TEAD4: variants seen among roughly 807,000 people sequenced by gnomAD.
TEAD4 encodes the protein TEA domain transcription factor 4.
A neutral mutation model predicts 52.4 loss-of-function variants in TEAD4; 36 were observed. The observed-to-expected ratio is 0.69, with a 90% confidence interval of 0.53 to 0.91. The LOEUF is 0.91. TEAD4 is among the 40% of genes least tolerant of loss of function. TEAD4 has a pLI of 0.00. For missense variants in TEAD4, 508 were observed against 583.9 expected, an observed-to-expected ratio of 0.87 and a Z score of 1.34; for synonymous variants, 220 against 231.0, an observed-to-expected ratio of 0.95 and a Z score of 0.43.
intron 2 of TEAD4, among the ~76,000 whole-genome samples, chr12:2,993,968 T>C (rs116285354): frequency 0.011 from 1,627 of 152,336 alleles, 31 homozygotes; most frequent in African/African-American, 0.037. Flanking sequence ...CATTCATCCA[T>C]TGATGGACAC....
At position 2,985,905 on chromosome 12, in the gene TEAD4, G is replaced by A. The variant is rs192055030; in HGVS notation, c.-29-8833G>A. Among the ~76,000 whole-genome samples, 1,052 of 151,892 alleles carry A rather than the reference G, an allele frequency of 6.9e-3. 16 individuals are homozygous for A. Among genetic ancestry groups the A allele is most frequent in the African/African-American group, 0.024 (988 of 41,480 alleles). ...TCAAGACCAGCCTGGCCAACAGGGC[G>A]AAACCCTGTCTCTACTAAAAAAATA... On this transcript the variant is annotated intron_variant, in intron 2 of 12. Transcript: ENST00000359864.
In TEAD4 at chr12:2,977,286, GTC is replaced by G. The variant is rs539036756; in HGVS notation, c.-30+17258_-30+17259del. On this transcript the variant is annotated intron_variant, in intron 2 of 12. Transcript: ENST00000359864. ...CAAACGCTAAATCTCTGCCCCAGGC[GTC>G]TCTCTCTCTCTTTCTCTTTCTCCCC... is the stretch of plus-strand genomic sequence containing the variant. 3.5e-3 allele frequency among the ~76,000 whole-genome samples: 531 copies of G among 152,040 alleles called. 2 individuals are homozygous for G. Among genetic ancestry groups the G allele is most frequent in the African/African-American group, 0.012 (509 of 41,486 alleles).
At chr12:2,986,646 TA>T (rs533717512) in intron 2 of TEAD4, among the ~76,000 whole-genome samples, 18,713 of 122,498 alleles carry the variant, frequency 0.15, 2,246 homozygotes, top group African/African-American at 0.33. Context: ...TCTCAAAAAA[TA>T]AAAAAAAATA....
intron 2 of TEAD4, among the ~76,000 whole-genome samples, chr12:2,976,532 G>T (rs1591558679): frequency 6.6e-6 from 1 of 152,160 alleles, no homozygotes; most frequent in East Asian, 1.9e-4. Flanking sequence ...AACTAAACCT[G>T]TATCATCACA....
chr12:2,985,631 T>A (rs566730682), intron 2 of TEAD4, among the ~76,000 whole-genome samples: 3 of 146,374 alleles, frequency 2.0e-5, no homozygotes, highest in East Asian at 2.3e-4. Flanking sequence ...TCAGCCTCCC[T>A]AGTAGCTGGG....
intron 10 of TEAD4, among the ~76,000 whole-genome samples, chr12:3,025,821 G>A (rs187030911): frequency 1.3e-5 from 2 of 152,280 alleles, no homozygotes; most frequent in Admixed American, 1.3e-4. Context: ...ACAGGTATGA[G>A]CTATCGTGCC....
intron 3 of TEAD4, among the ~76,000 whole-genome samples, chr12:2,999,875 G>C (rs1461924069): frequency 2.6e-5 from 4 of 152,180 alleles, no homozygotes; most frequent in Non-Finnish European, 5.9e-5. Flanking sequence ...GAGGGCTGTG[G>C]CTGGCTCTGG....
intron 10 of TEAD4, among the ~76,000 whole-genome samples, chr12:3,034,401 C>A (rs1322461607): frequency 1.3e-5 from 2 of 152,148 alleles, no homozygotes; most frequent in African/African-American, 4.8e-5. Flanking sequence ...CCTACTAAGG[C>A]CCTGGGAGAG....
chr12:3,034,685 C>T (rs1329864063), intron 10 of TEAD4, among the ~76,000 whole-genome samples: 1 of 152,196 alleles, frequency 6.6e-6, no homozygotes, highest in Non-Finnish European at 1.5e-5. Flanking sequence ...GTAATCCCCC[C>T]ACTTTGGGAA....
intron 10 of TEAD4, among the ~76,000 whole-genome samples, chr12:3,037,766 C>T (rs2098280272): frequency 6.6e-6 from 1 of 152,150 alleles, no homozygotes; most frequent in Admixed American, 6.5e-5. Flanking sequence ...CCTCTTTTCC[C>T]ATGATTTAGG....
intron 2 of TEAD4, among the ~76,000 whole-genome samples, chr12:2,983,594 G>A (rs1213512060): frequency 6.6e-6 from 1 of 152,172 alleles, no homozygotes. Context: ...ACCAAAGCCA[G>A]GCTCTTGCTT....
intron 2 of TEAD4, among the ~76,000 whole-genome samples, chr12:2,963,277 C>A (rs922329771): frequency 6.6e-6 from 1 of 152,222 alleles, no homozygotes; most frequent in Non-Finnish European, 1.5e-5. Context: ...GTTGCCAAAC[C>A]TGTGGCTCCT....
chr12:2,986,361 GGT>G (rs1321431194), intron 2 of TEAD4, among the ~76,000 whole-genome samples: 4 of 151,964 alleles, frequency 2.6e-5, no homozygotes, highest in African/African-American at 9.7e-5. Context: ...ATAAAGGCTG[GGT>G]GCGGTGGCTC....
Position 3,021,977 on chromosome 12 carries a change from A to G in TEAD4, c.857A>G (p.Glu286Gly), listed in dbSNP as rs2098269021. 1.9e-6 allele frequency: 3 copies of G among 1,614,096 alleles called. No individual in the cohort carries two copies. Among genetic ancestry groups the G allele is most frequent in the South Asian group, 2.2e-5 (2 of 91,086 alleles). ...AAGGGTGGACTCAAGGATCTCTTCG[A>G]ACGGGGACCCTCCAATGCCTTTTTT... Residue 286 changes from glutamate to glycine, a missense_variant, in exon 10 of 13, where the codon GAA becomes GGA. By Grantham distance (98) the Glu-to-Gly change is moderately conservative. Coordinates refer to ENST00000359864, the MANE Select transcript of TEAD4 (RefSeq NM_003213.4).
intron 10 of TEAD4, among the ~76,000 whole-genome samples, chr12:3,033,058 G>A (rs1200995277): frequency 1.3e-5 from 2 of 152,134 alleles, no homozygotes; most frequent in African/African-American, 4.8e-5. Flanking sequence ...GCCTCTCCCG[G>A]AGCCTTTCTT....
intron 10 of TEAD4, among the ~76,000 whole-genome samples, chr12:3,032,850 A>T (rs960221093): frequency 6.6e-6 from 1 of 152,162 alleles, no homozygotes; most frequent in African/African-American, 2.4e-5. Flanking sequence ...GTGACGGGGA[A>T]AGGTACATAT....
chr12:2,994,857 C>T lies in TEAD4; in HGVS notation c.91C>T (p.Leu31=). ...CACCGCCTCTGGGGGCAGTCAGGCA[C>T]TGGACAAGCCCATCGACAATGACGC... The change falls in exon 3 of 13, where the codon CTG becomes TTG. Residue 31 remains leucine, a synonymous_variant. Transcript: ENST00000359864. This position sits in a 1 kb window ranked among gnomAD's most constrained non-coding sequence, Gnocchi z 4.7. The T allele has an allele frequency of 6.2e-7, 1 of 1,614,122 alleles. No homozygotes were observed. Among genetic ancestry groups the T allele is most frequent in the South Asian group, 1.1e-5 (1 of 91,088 alleles).
Position 2,972,979 on chromosome 12 carries a change from T to G in TEAD4, c.-30+12939T>G, listed in dbSNP as rs112972070. Among the ~76,000 whole-genome samples the G allele has an allele frequency of 7.9e-4, 121 of 152,318 alleles. 1 individual carries two copies. Among genetic ancestry groups the G allele is most frequent in the African/African-American group, 2.8e-3 (117 of 41,578 alleles). ...TCCCCCAAACGATTCCATCCATGCA[T>G]TGGCCCCTTGGAGGTCATCCCTCCC... On this transcript the variant is annotated intron_variant, in intron 2 of 12. Coordinates refer to ENST00000359864, the MANE Select transcript of TEAD4 (RefSeq NM_003213.4).
chr12:2,974,211 C>T (rs2153953032), intron 2 of TEAD4, among the ~76,000 whole-genome samples: 1 of 152,238 alleles, frequency 6.6e-6, no homozygotes, highest in Middle Eastern at 3.4e-3. Context: ...CCATGTTGGC[C>T]AGGTTGGTCT....
Sources: allele counts gnomAD v4.1 joint callset (sites outside exome capture counted in the v4.1 genomes callset), GRCh38; gene constraint gnomAD v4.1.1; non-coding constraint Gnocchi (gnomAD v3.1); transcripts MANE v1.5; gene names NCBI Gene and HGNC (gene_info 2026-07-23, HGNC 2026-07-21).